The following DAB1 variants were observed in gnomAD, a reference collection of about 807,000 sequenced individuals.
The protein encoded by DAB1 is disabled homolog 1.
DAB1 carries 15 observed loss-of-function variants against 64.6 expected under a neutral mutation model. The observed-to-expected ratio is 0.23, with a 90% CI of 0.16 to 0.36. The LOEUF is 0.36. Among genes scored for constraint, DAB1 ranks in the 10% least tolerant of loss-of-function variants. The pLI, the probability that DAB1 is intolerant of heterozygous loss-of-function variation, is 1.00. For missense variants in DAB1, 596 were observed against 706.7 expected, an observed-to-expected ratio of 0.84 and a Z score of 1.78; for synonymous variants, 235 against 251.9, an observed-to-expected ratio of 0.93 and a Z score of 0.64.
chr1:58,137,149 A>T (rs969658672), intron 5 of DAB1, among the ~76,000 whole-genome samples: 2 of 152,236 alleles, frequency 1.3e-5, no homozygotes, highest in Non-Finnish European at 2.9e-5. Flanking sequence ...TTAAAAATAA[A>T]TATATTGCTC....
At chr1:58,504,120 A>G (rs933171916) in intron 3 of DAB1, among the ~76,000 whole-genome samples, 1 of 152,150 alleles carries the variant, frequency 6.6e-6, no homozygotes, top group South Asian at 2.1e-4. Flanking sequence ...TCACAATAAA[A>G]CATGAGTCAA....
chr1:57,701,098 T>C (rs1443205178), intron 6 of DAB1, among the ~76,000 whole-genome samples: 1 of 152,014 alleles, frequency 6.6e-6, no homozygotes, highest in African/African-American at 2.4e-5. Context: ...ACTTTTACAC[T>C]GTTGGTGGGA....
At chr1:58,202,101 T>A (rs1279096377) in intron 4 of DAB1, among the ~76,000 whole-genome samples, 1 of 152,100 alleles carries the variant, frequency 6.6e-6, no homozygotes, top group African/African-American at 2.4e-5. Flanking sequence ...CATAAGAACC[T>A]AAAACACTGT....
intron 4 of DAB1, among the ~76,000 whole-genome samples, chr1:58,154,823 G>T (rs936337884): frequency 6.6e-6 from 1 of 152,138 alleles, no homozygotes; most frequent in Non-Finnish European, 1.5e-5. Context: ...AAATATCCCA[G>T]TTACTTTGGA....
Position 58,211,226 on chromosome 1 carries a change from T to G in DAB1, n.310-60638A>C, listed in dbSNP as rs12049240. ...TATCTTGAAAAAGAAATATCTCCAC[T>G]GTCTGACACAGTCATCTGTGTAACT... On this transcript the variant is annotated intron_variant and non_coding_transcript_variant, in intron 4 of 20. Coordinates refer to the DAB1 transcript ENST00000485760. Among the ~76,000 whole-genome samples, 1,062 of 152,268 alleles carry G rather than the reference T, an allele frequency of 7.0e-3. 46 individuals carry two copies. In the South Asian group the frequency reaches 0.1, roughly 14 times the overall value.
chr1:57,157,803 G>A (rs1660378881), intron 2 of DAB1, among the ~76,000 whole-genome samples: 1 of 152,236 alleles, frequency 6.6e-6, no homozygotes. Flanking sequence ...GGAAGGAGAT[G>A]TGAAAAGCTG....
intron 3 of DAB1, among the ~76,000 whole-genome samples, chr1:58,482,210 G>T (rs1645499052): frequency 6.6e-6 from 1 of 152,220 alleles, no homozygotes; most frequent in Non-Finnish European, 1.5e-5. Context: ...ACACTGGAAA[G>T]AGAGGGCTTA....
chr1:58,177,073 G>T (rs1433559797), intron 4 of DAB1, among the ~76,000 whole-genome samples: 3 of 151,768 alleles, frequency 2.0e-5, no homozygotes, highest in African/African-American at 7.3e-5. Flanking sequence ...TTAAACTATA[G>T]AAGTTAGAGT....
chr1:57,018,221 G>T (rs1362992223), intron 11 of DAB1, among the ~76,000 whole-genome samples: 1 of 152,210 alleles, frequency 6.6e-6, no homozygotes, highest in East Asian at 1.9e-4. Context: ...GTCAAAAGGT[G>T]TTCACTATTT....
At chr1:57,452,210 C>T (rs1686409174) in intron 7 of DAB1, among the ~76,000 whole-genome samples, 1 of 137,670 alleles carries the variant, frequency 7.3e-6, no homozygotes, top group South Asian at 2.5e-4. Flanking sequence ...CTCTCTCACC[C>T]AGGCTGGAGT....
At position 57,347,647 on chromosome 1, in the gene DAB1, C is replaced by T. The variant is rs566346983; in HGVS notation, c.-136-56481G>A. Reference sequence around the variant, plus strand: ...ATGTAAGTTGAATGGTAATTTCATTCCTAGAGATGTTTTGTTGTCCAAGCC... The same window carrying T: ...ATGTAAGTTGAATGGTAATTTCATTTCTAGAGATGTTTTGTTGTCCAAGCC... On this transcript the variant is annotated intron_variant, in intron 1 of 14. Coordinates refer to ENST00000371236, the MANE Select transcript of DAB1 (RefSeq NM_001365792.1). Among the ~76,000 whole-genome samples the T allele has an allele frequency of 2.6e-5, 4 of 152,252 alleles. No homozygotes were observed. The South Asian group carries it at 6.2e-4, about 24-fold the overall frequency.
chr1:57,569,238 G>A (rs1372390460), intron 7 of DAB1, among the ~76,000 whole-genome samples: 276 of 120,128 alleles, frequency 2.3e-3, no homozygotes, highest in African/African-American at 8.2e-3. Flanking sequence ...CAGCCTGGGC[G>A]ACAGCGAGAC....
chr1:58,274,891 C>A (rs1186406830), intron 4 of DAB1, among the ~76,000 whole-genome samples: 1 of 152,008 alleles, frequency 6.6e-6, no homozygotes. Flanking sequence ...ACCCACTGGC[C>A]TGCGCCCACT....
At chr1:57,770,457 G>T (rs957393256) in intron 6 of DAB1, among the ~76,000 whole-genome samples, 1 of 151,800 alleles carries the variant, frequency 6.6e-6, no homozygotes, top group African/African-American at 2.4e-5. Context: ...TTGTAGGGAT[G>T]TGGTCTTGCT....
At chr1:57,643,967 T>C (rs1308812603) in intron 7 of DAB1, among the ~76,000 whole-genome samples, 2 of 152,214 alleles carry the variant, frequency 1.3e-5, no homozygotes. Flanking sequence ...AATAAACAGA[T>C]GCAGTCAGCA....
At chr1:58,072,634 T>G (rs964631293) in intron 5 of DAB1, among the ~76,000 whole-genome samples, 1 of 152,208 alleles carries the variant, frequency 6.6e-6, no homozygotes, top group African/African-American at 2.4e-5. Context: ...TCCTGTCTCA[T>G]TTTTTGAGAT....
intron 6 of DAB1, among the ~76,000 whole-genome samples, chr1:57,667,489 T>A (rs552677780): frequency 3.3e-5 from 5 of 152,152 alleles, no homozygotes; most frequent in Non-Finnish European, 5.9e-5. Flanking sequence ...TAATGAAACC[T>A]TCAGCAGAGC....
chr1:57,194,767 G>C (rs974179499), intron 2 of DAB1, among the ~76,000 whole-genome samples: 3 of 152,172 alleles, frequency 2.0e-5, no homozygotes, highest in African/African-American at 7.2e-5. Context: ...GGGAGGCATG[G>C]AGAAGCACAT....
chr1:57,836,645 C>T (rs979065613), intron 1 of DAB1, among the ~76,000 whole-genome samples: 1 of 152,202 alleles, frequency 6.6e-6, no homozygotes, highest in African/African-American at 2.4e-5. Flanking sequence ...CATTCGGCAT[C>T]CGCCATCTCT....
Sources: allele counts gnomAD v4.1 joint callset (sites outside exome capture counted in the v4.1 genomes callset), GRCh38; gene constraint gnomAD v4.1.1; transcripts MANE v1.5; gene names NCBI Gene and HGNC (gene_info 2026-07-23, HGNC 2026-07-21).